The following MYLK4 variants were observed in gnomAD, a reference collection of about 807,000 sequenced individuals.
MYLK4 encodes the protein caMLCK like.
Under a neutral mutation model 48.1 loss-of-function variants are expected in MYLK4, and 46 were observed. The ratio of observed to expected loss-of-function variants is 0.96; its 90% CI spans 0.75 to 1.22. The LOEUF (loss-of-function observed/expected upper bound fraction) is 1.22. MYLK4 is among the 50% of genes most tolerant of loss of function. The probability of loss-of-function intolerance (pLI) is 0.00; values close to 1 mark genes in which losing one functional copy is unlikely to be tolerated. For synonymous variants in MYLK4, 170 were observed against 180.8 expected (o/e 0.94, Z 0.48); for missense variants, 451 against 486.1 (o/e 0.93, Z 0.68).
At chr6:2,702,061 C>T (rs144750912) in intron 2 of MYLK4, among the ~76,000 whole-genome samples, 5 of 152,290 alleles carry the variant, frequency 3.3e-5, no homozygotes, top group South Asian at 2.1e-4. Flanking sequence ...GGCCGCATGC[C>T]GCTGGCCTTG....
intron 4 of MYLK4, among the ~76,000 whole-genome samples, chr6:2,687,676 C>T (rs1253124781): frequency 6.6e-6 from 1 of 152,172 alleles, no homozygotes; most frequent in East Asian, 1.9e-4. Context: ...TCTATGAGAT[C>T]AGCCAGATCA....
At chr6:2,761,181 T>A in the MYLK4 span, among the ~76,000 whole-genome samples, 2 of 152,002 alleles carry the variant, frequency 1.3e-5, no homozygotes, top group African/African-American at 2.4e-5. Flanking sequence ...ACCGAATCTA[T>A]CCTCCCCATT....
intron 2 of MYLK4, among the ~76,000 whole-genome samples, chr6:2,708,634 T>G (rs561896583): frequency 6.6e-6 from 1 of 152,348 alleles, no homozygotes; most frequent in African/African-American, 2.4e-5. Context: ...GTTGTTGTTT[T>G]GGTTACACCC....
chr6:2,768,579 G>A, the MYLK4 span: 13 of 793,276 alleles, frequency 1.6e-5, no homozygotes, highest in Non-Finnish European at 2.5e-5. Context: ...GCATTCTTCC[G>A]AGGTCAAGTT....
chr6:2,715,804 G>C (rs947468650), intron 2 of MYLK4, among the ~76,000 whole-genome samples: 1 of 152,168 alleles, frequency 6.6e-6, no homozygotes, highest in Non-Finnish European at 1.5e-5. Context: ...AATATGAAAG[G>C]GTTTTCCCTG....
At chr6:2,682,591 G>A (rs1042692079) in intron 7 of MYLK4, among the ~76,000 whole-genome samples, 27 of 152,088 alleles carry the variant, frequency 1.8e-4, no homozygotes, top group African/African-American at 5.8e-4. Context: ...CCCAAAGTCT[G>A]GAGCTTCCTG....
chr6:2,708,275 T>C (rs1256090129), intron 2 of MYLK4, among the ~76,000 whole-genome samples: 5 of 152,368 alleles, frequency 3.3e-5, no homozygotes, highest in African/African-American at 1.2e-4. Context: ...TATTCCCTGA[T>C]GAAAACCTCA....
Position 2,694,265 on chromosome 6 carries a change from C to T in MYLK4, c.160-1406G>A, listed in dbSNP as rs185600784. Among the ~76,000 whole-genome samples the T allele has an allele frequency of 3.4e-3, 511 of 151,870 alleles. 5 individuals carry two copies. The highest frequency in any genetic ancestry group is 0.012 in the African/African-American group (486 of 41,426). The stretch of plus-strand genomic sequence containing the variant: ...TCCCTCTGCAGGGACAATGGGCTGC[C>T]GCCTCTTCAAACAAAGCTGATTGCT... On this transcript the variant is annotated intron_variant, in intron 2 of 12. Coordinates refer to ENST00000274643, the MANE Select transcript of MYLK4 (RefSeq NM_001012418.5).
the MYLK4 span, among the ~76,000 whole-genome samples, chr6:2,765,087 G>A: frequency 6.6e-6 from 1 of 151,798 alleles, no homozygotes; most frequent in Non-Finnish European, 1.5e-5. Context: ...CGCAGTCCGT[G>A]GCTCCTCCCT....
intron 4 of MYLK4, among the ~76,000 whole-genome samples, chr6:2,686,903 C>T (rs914834109): frequency 6.6e-6 from 1 of 152,198 alleles, no homozygotes; most frequent in Non-Finnish European, 1.5e-5. Flanking sequence ...GCAATGGCCG[C>T]AGAACCTCCT....
chr6:2,741,952 A>G (rs1032000425), intron 2 of MYLK4, among the ~76,000 whole-genome samples: 1 of 152,214 alleles, frequency 6.6e-6, no homozygotes, highest in South Asian at 2.1e-4. Context: ...TCCTCTTGGC[A>G]TCTCCCACAG....
intron 2 of MYLK4, among the ~76,000 whole-genome samples, chr6:2,698,792 A>G (rs1038581506): frequency 1.3e-5 from 2 of 152,222 alleles, no homozygotes; most frequent in Non-Finnish European, 2.9e-5. Context: ...CTTCAACCTC[A>G]GCACACACTC....
At chr6:2,747,753 C>T (rs1406535399) in intron 2 of MYLK4, among the ~76,000 whole-genome samples, 2 of 152,204 alleles carry the variant, frequency 1.3e-5, no homozygotes, top group African/African-American at 4.8e-5. Flanking sequence ...TAAACTATTA[C>T]AGTTAGTTGA....
chr6:2,695,421 G>A (rs891004960), intron 2 of MYLK4, among the ~76,000 whole-genome samples: 7 of 152,226 alleles, frequency 4.6e-5, no homozygotes, highest in African/African-American at 1.7e-4. Context: ...GGCCATCTGA[G>A]TATCAGGTGG....
At chr6:2,734,503 G>A (rs1763595394) in intron 2 of MYLK4, among the ~76,000 whole-genome samples, 1 of 152,072 alleles carries the variant, frequency 6.6e-6, no homozygotes, top group Non-Finnish European at 1.5e-5. Flanking sequence ...TAATGGAAAG[G>A]ACTATTATTA....
chr6:2,724,773 T>C (rs1467985251), intron 2 of MYLK4, among the ~76,000 whole-genome samples: 1 of 152,202 alleles, frequency 6.6e-6, no homozygotes, highest in Non-Finnish European at 1.5e-5. Flanking sequence ...TTAGCGAATG[T>C]CTTGATGATT....
chr6:2,764,178 A>G, the MYLK4 span, among the ~76,000 whole-genome samples: 1 of 152,216 alleles, frequency 6.6e-6, no homozygotes, highest in Non-Finnish European at 1.5e-5. Context: ...TTCACGTTAC[A>G]TGATGATTAA....
chr6:2,671,427 C>T, intron 11 of MYLK4, 79 bp from the exon 12 acceptor site: 1 of 1,318,322 alleles, frequency 7.6e-7, no homozygotes, highest in Non-Finnish European at 1.1e-6. Flanking sequence ...CATGAAAAGA[C>T]AATCACTTGC....
intron 2 of MYLK4, among the ~76,000 whole-genome samples, chr6:2,723,915 C>T (rs1763157783): frequency 6.6e-6 from 1 of 152,116 alleles, no homozygotes; most frequent in African/African-American, 2.4e-5. Context: ...CTCACTCTGT[C>T]ACCCAGACTG....
Sources: allele counts gnomAD v4.1 joint callset (sites outside exome capture counted in the v4.1 genomes callset), GRCh38; gene constraint gnomAD v4.1.1; transcripts MANE v1.5; gene names NCBI Gene and HGNC (gene_info 2026-07-23, HGNC 2026-07-21).